Variants in LHPP observed in about 807,000 individuals in gnomAD.
LHPP encodes phospholysine phosphohistidine inorganic pyrophosphate phosphatase, also known as hLHPP.
In LHPP, 24 loss-of-function variants were observed where a neutral mutation model predicts 30.3. The observed-to-expected ratio is 0.79, with a 90% CI of 0.57 to 1.11. The LOEUF (loss-of-function observed/expected upper bound fraction) is 1.11, where lower values mean the gene tolerates loss of function less well. Ranked by LOEUF, LHPP falls within the 50% of genes most tolerant of loss-of-function variation. LHPP has a pLI of 0.00. For synonymous variants in LHPP, 150 were observed against 157.1 expected, an observed-to-expected ratio of 0.95 and a Z score of 0.34; for missense variants, 356 against 367.2, an observed-to-expected ratio of 0.97 and a Z score of 0.25.
intron 6 of LHPP, among the ~76,000 whole-genome samples, chr10:124,564,443 C>T (rs11597270): frequency 0.61 from 92,397 of 151,118 alleles, 28,751 homozygotes; most frequent in Middle Eastern, 0.68. Context: ...TTTATAGAGA[C>T]GAGTCTCACT....
intron 6 of LHPP, among the ~76,000 whole-genome samples, chr10:124,599,206 C>T (rs1157417140): frequency 6.6e-6 from 1 of 151,984 alleles, no homozygotes; most frequent in Non-Finnish European, 1.5e-5. Context: ...TCCACCCATC[C>T]GTCCCCAGCC....
chr10:124,487,911 T>C (rs371006129), intron 2 of LHPP, among the ~76,000 whole-genome samples: 145 of 152,192 alleles, frequency 9.5e-4, no homozygotes, highest in African/African-American at 3.2e-3. Context: ...AGGAAGAGAG[T>C]TTCCTAAGGG....
At chr10:124,536,665 G>A (rs1003910936) in intron 6 of LHPP, among the ~76,000 whole-genome samples, 2 of 152,234 alleles carry the variant, frequency 1.3e-5, no homozygotes, top group Non-Finnish European at 2.9e-5. Flanking sequence ...TGCAAGGTTA[G>A]AGTGAGGGGA....
intron 6 of LHPP, among the ~76,000 whole-genome samples, chr10:124,567,617 G>C (rs10751593): frequency 0.24 from 36,298 of 152,196 alleles, 5,008 homozygotes; most frequent in East Asian, 0.31. Context: ...ACAAGGGGCG[G>C]CACTGCTGGT....
At chr10:124,521,064 C>T (rs987783386) in intron 6 of LHPP, among the ~76,000 whole-genome samples, 25 of 152,192 alleles carry the variant, frequency 1.6e-4, no homozygotes, top group Non-Finnish European at 7.3e-5. Context: ...TGCACTGTCC[C>T]CTTCTCCCTC....
chr10:124,492,722 T>A (rs1307428378), intron 3 of LHPP, among the ~76,000 whole-genome samples: 2 of 152,168 alleles, frequency 1.3e-5, no homozygotes, highest in African/African-American at 4.8e-5. Context: ...CTTTTTAAAC[T>A]TACACCCATT....
chr10:124,486,048 T>G (rs1028454487), intron 2 of LHPP, among the ~76,000 whole-genome samples: 4 of 152,242 alleles, frequency 2.6e-5, no homozygotes, highest in Non-Finnish European at 5.9e-5. Context: ...ACGGGTATAC[T>G]CCCCTATACA....
chr10:124,577,002 A>G (rs552612118), intron 6 of LHPP, among the ~76,000 whole-genome samples: 47 of 152,330 alleles, frequency 3.1e-4, no homozygotes, highest in African/African-American at 1.1e-3. Flanking sequence ...TGTAATTTGC[A>G]TTTTGAGGAT....
intron 3 of LHPP, among the ~76,000 whole-genome samples, chr10:124,490,875 A>G (rs535404436): frequency 6.6e-6 from 1 of 152,308 alleles, no homozygotes; most frequent in East Asian, 1.9e-4. Flanking sequence ...AGGGTTCTGC[A>G]CAGCTAGAAT....
intron 1 of LHPP, 23 bp downstream of exon 1, chr10:124,462,010 C>A: frequency 8.3e-7 from 1 of 1,203,300 alleles, no homozygotes. Flanking sequence ...CGGGACGCCG[C>A]TGGGGCCGCC....
intron 6 of LHPP, among the ~76,000 whole-genome samples, chr10:124,539,235 G>C (rs1432688918): frequency 1.3e-5 from 2 of 152,166 alleles, no homozygotes; most frequent in African/African-American, 4.8e-5. Context: ...GGAGGCAATG[G>C]CATATCTTTA....
At chr10:124,533,638 C>T (rs923167400) in intron 6 of LHPP, among the ~76,000 whole-genome samples, 1 of 152,244 alleles carries the variant, frequency 6.6e-6, no homozygotes, top group Admixed American at 6.5e-5. Context: ...CTCTGTCCTC[C>T]CTTACCCCCG....
At chr10:124,595,395 G>C (rs1423359825) in intron 6 of LHPP, among the ~76,000 whole-genome samples, 1 of 152,248 alleles carries the variant, frequency 6.6e-6, no homozygotes, top group East Asian at 1.9e-4. Flanking sequence ...AGATGGCCAG[G>C]AGTCTGCTCG....
At chr10:124,520,299 C>T (rs1490373311) in intron 6 of LHPP, among the ~76,000 whole-genome samples, 1 of 151,684 alleles carries the variant, frequency 6.6e-6, no homozygotes, top group Non-Finnish European at 1.5e-5. Context: ...CCCCTCTTCA[C>T]CCTCCAACAG....
intron 6 of LHPP, among the ~76,000 whole-genome samples, chr10:124,597,379 G>C (rs1948959518): frequency 6.6e-6 from 1 of 152,242 alleles, no homozygotes; most frequent in African/African-American, 2.4e-5. Flanking sequence ...TTCAGCTTCA[G>C]TTTCTTTGCC....
intron 6 of LHPP, chr10:124,526,092 G>A (rs1004683592): frequency 1.0e-5 from 8 of 784,716 alleles, no homozygotes; most frequent in South Asian, 5.7e-5. Context: ...CCTGGAAGGC[G>A]CTGGAGTGGT....
intron 1 of LHPP, among the ~76,000 whole-genome samples, chr10:124,475,103 AC>A (rs1400449959): frequency 1.5e-5 from 2 of 132,074 alleles, no homozygotes; most frequent in Admixed American, 1.9e-4. Flanking sequence ...GCGCACTGCA[AC>A]CTCTGCCACC....
intron 6 of LHPP, among the ~76,000 whole-genome samples, chr10:124,546,943 T>C (rs1426983659): frequency 3.9e-5 from 6 of 152,212 alleles, no homozygotes; most frequent in South Asian, 2.1e-4. Flanking sequence ...ATGGTTTTCA[T>C]GTTTTCTGCA....
At chr10:124,588,800 T>C (rs1054302980) in intron 6 of LHPP, among the ~76,000 whole-genome samples, 1 of 152,094 alleles carries the variant, frequency 6.6e-6, no homozygotes, top group Non-Finnish European at 1.5e-5. Flanking sequence ...CCCCAAGGCC[T>C]CCCTTGTCCC....
Sources: gnomAD v4.1 joint callset for allele counts (sites outside exome capture counted in the v4.1 genomes callset) on GRCh38, gnomAD v4.1.1 for gene constraint, MANE v1.5 for transcripts, NCBI Gene and HGNC (gene_info 2026-07-23, HGNC 2026-07-21) for gene names.